GRM8: variants seen among roughly 807,000 people sequenced by gnomAD.
GRM8 encodes the protein glutamate metabotropic receptor 8.
In GRM8, 47 loss-of-function variants were observed where a neutral mutation model predicts 87.2. That is an observed-to-expected ratio of 0.54 (90% CI 0.43 to 0.69). The LOEUF is 0.69. GRM8 is among the 30% of genes least tolerant of loss of function. The pLI, the probability that GRM8 is intolerant of heterozygous loss-of-function variation, is 0.00. For synonymous variants in GRM8, 396 were observed against 404.5 expected, an observed-to-expected ratio of 0.98 and a Z score of 0.25; for missense variants, 1,019 against 1,139.2, an observed-to-expected ratio of 0.89 and a Z score of 1.52.
intron 2 of GRM8, among the ~76,000 whole-genome samples, chr7:127,235,204 C>T (rs1458892668): frequency 6.6e-6 from 1 of 152,172 alleles, no homozygotes; most frequent in Non-Finnish European, 1.5e-5. Flanking sequence ...AAGATGTCTT[C>T]GGTATTCACT....
chr7:126,796,901 T>C (rs1822010426), intron 6 of GRM8, among the ~76,000 whole-genome samples: 1 of 152,140 alleles, frequency 6.6e-6, no homozygotes, highest in Non-Finnish European at 1.5e-5. Flanking sequence ...GAGCTCATCA[T>C]CTTATCTCTC....
intron 3 of GRM8, among the ~76,000 whole-genome samples, chr7:127,039,994 AGGGGAGGGTGAGGAG>A: frequency 1.7e-5 from 1 of 58,112 alleles, no homozygotes; most frequent in Non-Finnish European, 3.5e-5. Flanking sequence ...AGGGGAAGGG[AGGGGAGGGTGAGGAG>A]GGAGGGGAGG....
At chr7:127,037,414 C>T (rs1817942303) in intron 3 of GRM8, among the ~76,000 whole-genome samples, 1 of 152,158 alleles carries the variant, frequency 6.6e-6, no homozygotes, top group Non-Finnish European at 1.5e-5. Flanking sequence ...GCCCAGGTCT[C>T]TCACCTGTCT....
intron 2 of GRM8, among the ~76,000 whole-genome samples, chr7:127,238,702 C>T (rs1208411497): frequency 2.0e-5 from 3 of 152,186 alleles, no homozygotes; most frequent in Admixed American, 2.0e-4. Flanking sequence ...CTTATTCAAC[C>T]CTCTTCTAAA....
intron 9 of GRM8, among the ~76,000 whole-genome samples, chr7:126,480,348 C>T (rs540891706): frequency 6.6e-6 from 1 of 152,132 alleles, no homozygotes; most frequent in South Asian, 2.1e-4. Flanking sequence ...TGTGCCACTG[C>T]ACTCCAGTCT....
At chr7:126,761,784 C>T (rs1002429693) in intron 7 of GRM8, among the ~76,000 whole-genome samples, 3 of 152,174 alleles carry the variant, frequency 2.0e-5, no homozygotes, top group African/African-American at 7.2e-5. Context: ...GAATGCTCTT[C>T]CCTGTCTTCA....
intron 3 of GRM8, among the ~76,000 whole-genome samples, chr7:126,988,252 A>G (rs188792678): frequency 2.6e-5 from 4 of 152,300 alleles, no homozygotes; most frequent in Non-Finnish European, 4.4e-5. Context: ...AAGGACATCA[A>G]AAGAACTTGT....
intron 7 of GRM8, among the ~76,000 whole-genome samples, chr7:126,734,752 G>A (rs1340994350): frequency 6.6e-6 from 1 of 151,936 alleles, no homozygotes; most frequent in Non-Finnish European, 1.5e-5. Context: ...AGTTTAAAAC[G>A]AATTTCCCAG....
chr7:127,155,935 G>T (rs970436824), intron 2 of GRM8, among the ~76,000 whole-genome samples: 2 of 152,136 alleles, frequency 1.3e-5, no homozygotes, highest in African/African-American at 4.8e-5. Flanking sequence ...GCACAGGAGA[G>T]GGTAGTAGAA....
chr7:127,227,290 A>G (rs1797396165), intron 2 of GRM8, among the ~76,000 whole-genome samples: 1 of 152,198 alleles, frequency 6.6e-6, no homozygotes, highest in Admixed American at 6.5e-5. Flanking sequence ...AAGGTACAGG[A>G]GACATGGTTA....
intron 3 of GRM8, among the ~76,000 whole-genome samples, chr7:126,919,926 C>T (rs191102720): frequency 6.6e-6 from 1 of 152,230 alleles, no homozygotes; most frequent in East Asian, 1.9e-4. Context: ...TCTTGCTGAG[C>T]ATGGAAAATA....
Position 126,902,670 on chromosome 7 carries a change from C to T in GRM8, c.1028G>A (p.Arg343Gln), listed in dbSNP as rs13309334. The part of the protein sequence containing the change: ...PKRASIDGFD[R>Q]YFRSRTLANN... ...GGCAAGAGTTCGGCTTCTAAAGTAT[C>T]GATCAAATCCTATTTCAAAGGAGAA... The change falls in exon 6 of 11, where the codon CGA becomes CAA. Residue 343 changes from arginine (R) to glutamine (Q), a missense_variant. Physicochemically the swap from Arg to Gln is conservative, Grantham distance 43 (BLOSUM62 1). Transcript: ENST00000339582. The T allele has an allele frequency of 5.7e-6, 9 of 1,586,190 alleles. No homozygotes were observed. Among genetic ancestry groups the T allele is most frequent in the South Asian group, 1.2e-5 (1 of 86,164 alleles).
intron 6 of GRM8, among the ~76,000 whole-genome samples, chr7:126,819,267 G>C (rs372499463): frequency 1.8e-5 from 1 of 54,854 alleles, no homozygotes; most frequent in East Asian, 3.5e-4. Context: ...TATTCAGACA[G>C]ACACACATAC....
intron 8 of GRM8, among the ~76,000 whole-genome samples, chr7:126,589,699 A>G (rs1479794723): frequency 1.3e-5 from 2 of 152,072 alleles, no homozygotes; most frequent in African/African-American, 2.4e-5. Context: ...CAACAATAAT[A>G]CAACTACGGG....
chr7:127,246,214 T>C (rs1798576237), intron 1 of GRM8, among the ~76,000 whole-genome samples: 1 of 152,260 alleles, frequency 6.6e-6, no homozygotes, highest in Non-Finnish European at 1.5e-5. Flanking sequence ...GGTTTCATTG[T>C]ATAATCTTAA....
chr7:127,174,048 C>G (rs1208261689), intron 2 of GRM8, among the ~76,000 whole-genome samples: 2 of 152,026 alleles, frequency 1.3e-5, no homozygotes, highest in African/African-American at 2.4e-5. Flanking sequence ...GAATGAACAC[C>G]AGAAACATTC....
At chr7:126,603,468 A>G (rs1798027305) in intron 8 of GRM8, among the ~76,000 whole-genome samples, 1 of 151,688 alleles carries the variant, frequency 6.6e-6, no homozygotes, top group Non-Finnish European at 1.5e-5. Context: ...AGACGACATG[A>G]TTGTATATCT....
At chr7:126,600,971 T>G (rs1797686857) in intron 8 of GRM8, among the ~76,000 whole-genome samples, 1 of 152,040 alleles carries the variant, frequency 6.6e-6, no homozygotes, top group African/African-American at 2.4e-5. Flanking sequence ...AGGGTACATG[T>G]GCACATTGTG....
intron 2 of GRM8, among the ~76,000 whole-genome samples, chr7:127,232,183 T>TTGTGTGTGTGTG (rs71529431): frequency 2.9e-3 from 382 of 129,754 alleles, no homozygotes; most frequent in African/African-American, 0.011. Context: ...TGTTTCTTCT[T>TTGTGTGTGTGTG]TGTGTGTGTG....
Sources: gnomAD v4.1 joint callset for allele counts (sites outside exome capture counted in the v4.1 genomes callset) on GRCh38, gnomAD v4.1.1 for gene constraint, MANE v1.5 for transcripts, NCBI Gene and HGNC (gene_info 2026-07-23, HGNC 2026-07-21) for gene names.